The following ACSS3 variants were observed in gnomAD, a reference collection of about 807,000 sequenced individuals.
The protein encoded by ACSS3 is acyl-CoA synthetase short chain family member 3.
A neutral mutation model predicts 84.2 loss-of-function variants in ACSS3; 64 were observed. The observed-to-expected ratio is 0.76, with a 90% CI of 0.62 to 0.94. The LOEUF is 0.94. Ranked by LOEUF, ACSS3 falls within the 40% of genes least tolerant of loss-of-function variation. ACSS3 has a pLI of 0.00. For synonymous variants in ACSS3, 317 were observed against 310.1 expected, an observed-to-expected ratio of 1.02 and a Z score of -0.23; for missense variants, 815 against 867.6, an observed-to-expected ratio of 0.94 and a Z score of 0.76.
Position 81,183,417 on chromosome 12 carries a change from C to T in ACSS3, c.1250+8478C>T, listed in dbSNP as rs556296291. Among the ~76,000 whole-genome samples, 23 of 152,174 alleles carry T rather than the reference C, an allele frequency of 1.5e-4. 1 individual carries two copies. In the South Asian group the frequency reaches 4.4e-3, roughly 29 times the overall value. ...AAAGGAAAAAGGAACACAGAAGCTA[C>T]AAAATAACTAGAAGATAAATAAAAT... On this transcript the variant is annotated intron_variant, in intron 8 of 15. Transcript: ENST00000548058.
At chr12:81,202,623 T>C (rs2135905385) in intron 9 of ACSS3, among the ~76,000 whole-genome samples, 1 of 152,278 alleles carries the variant, frequency 6.6e-6, no homozygotes, top group African/African-American at 2.4e-5. Flanking sequence ...GACTTAGAAG[T>C]TGATATTTTT....
At chr12:81,250,152 C>G (rs1206520566) in intron 13 of ACSS3, among the ~76,000 whole-genome samples, 1 of 151,958 alleles carries the variant, frequency 6.6e-6, no homozygotes, top group African/African-American at 2.4e-5. Flanking sequence ...ATTTTTCCCC[C>G]CATAGGACAT....
chr12:81,157,029 G>A (rs1056985565), intron 7 of ACSS3, among the ~76,000 whole-genome samples: 2 of 151,834 alleles, frequency 1.3e-5, no homozygotes, highest in African/African-American at 4.8e-5. Flanking sequence ...CTAATAAAAA[G>A]TCAACGACAA....
intron 13 of ACSS3, among the ~76,000 whole-genome samples, chr12:81,240,447 G>C (rs12313443): frequency 0.43 from 65,290 of 151,678 alleles, 14,977 homozygotes; most frequent in Non-Finnish European, 0.52. Context: ...TATTTAAAAT[G>C]GGTTTCTTTC....
At chr12:81,107,746 C>G (rs1883196275) in intron 1 of ACSS3, among the ~76,000 whole-genome samples, 1 of 151,540 alleles carries the variant, frequency 6.6e-6, no homozygotes, top group African/African-American at 2.4e-5. Flanking sequence ...GTGGTCAAGG[C>G]ATCAGCTGAT....
intron 9 of ACSS3, among the ~76,000 whole-genome samples, chr12:81,215,102 A>G (rs2032856076): frequency 6.6e-6 from 1 of 152,234 alleles, no homozygotes; most frequent in Middle Eastern, 3.4e-3. Context: ...TTTCTGAAAA[A>G]ACAGAGGGGG....
intron 13 of ACSS3, among the ~76,000 whole-genome samples, chr12:81,239,564 G>A (rs2033727378): frequency 6.6e-6 from 1 of 151,910 alleles, no homozygotes; most frequent in Admixed American, 6.6e-5. Flanking sequence ...GAAGAGCAAA[G>A]TCATGTCTTA....
At chr12:81,143,646 G>T (rs746230680) in intron 5 of ACSS3, 1 of 151,876 alleles carries the variant, frequency 6.6e-6, no homozygotes, top group South Asian at 2.1e-4. Context: ...TTAGATTGAG[G>T]TATAAGTTTC....
intron 7 of ACSS3, among the ~76,000 whole-genome samples, chr12:81,153,973 A>G (rs910158142): frequency 2.3e-4 from 35 of 152,166 alleles, no homozygotes; most frequent in African/African-American, 8.4e-4. Flanking sequence ...TGCGGACTTG[A>G]TATGCATTTG....
chr12:81,101,598 T>A (rs1414197418), intron 1 of ACSS3, among the ~76,000 whole-genome samples: 1 of 152,170 alleles, frequency 6.6e-6, no homozygotes, highest in Admixed American at 6.5e-5. Flanking sequence ...ATATATCACA[T>A]ATACATTGCA....
intron 11 of ACSS3, among the ~76,000 whole-genome samples, chr12:81,230,462 T>C (rs2033421054): frequency 6.6e-6 from 1 of 151,854 alleles, no homozygotes; most frequent in Non-Finnish European, 1.5e-5. Flanking sequence ...TAGTTCTGTA[T>C]ATTTTCTACG....
chr12:81,165,938 T>G (rs1887382395), intron 7 of ACSS3, among the ~76,000 whole-genome samples: 1 of 152,316 alleles, frequency 6.6e-6, no homozygotes, highest in Non-Finnish European at 1.5e-5. Context: ...TTCTAAGCAC[T>G]TTTTATACAT....
At chr12:81,099,317 T>C (rs1882317380) in intron 1 of ACSS3, among the ~76,000 whole-genome samples, 1 of 152,138 alleles carries the variant, frequency 6.6e-6, no homozygotes, top group South Asian at 2.1e-4. Flanking sequence ...AGGAAATAAA[T>C]TGTAATGTTA....
At chr12:81,227,946 T>C (rs904120693) in intron 11 of ACSS3, among the ~76,000 whole-genome samples, 6 of 151,850 alleles carry the variant, frequency 4.0e-5, no homozygotes, top group Non-Finnish European at 8.8e-5. Context: ...CCATGTGTCA[T>C]ATTTAATAGC....
At chr12:81,140,212 A>G (rs1383889958) in intron 4 of ACSS3, among the ~76,000 whole-genome samples, 1 of 152,202 alleles carries the variant, frequency 6.6e-6, no homozygotes, top group African/African-American at 2.4e-5. Flanking sequence ...CAAAACATGA[A>G]TATTCTAAGT....
At chr12:81,215,320 G>A (rs1156885185) in intron 9 of ACSS3, among the ~76,000 whole-genome samples, 2 of 151,664 alleles carry the variant, frequency 1.3e-5, no homozygotes, top group East Asian at 1.9e-4. Context: ...GTTACTTGCC[G>A]ATGATCCTCA....
chr12:81,110,656 C>T (rs999405361), intron 2 of ACSS3, among the ~76,000 whole-genome samples: 5 of 152,126 alleles, frequency 3.3e-5, no homozygotes, highest in Admixed American at 6.5e-5. Context: ...GTACATGGCA[C>T]GACATTTAGC....
chr12:81,086,937 G>A (rs577908979), intron 1 of ACSS3, among the ~76,000 whole-genome samples: 182 of 152,208 alleles, frequency 1.2e-3, no homozygotes, highest in African/African-American at 4.2e-3. Flanking sequence ...TCTAAACTAC[G>A]TGGATAGGGA....
chr12:81,091,097 G>T (rs201053122), intron 1 of ACSS3, among the ~76,000 whole-genome samples: 1 of 151,294 alleles, frequency 6.6e-6, no homozygotes, highest in Admixed American at 6.6e-5. Flanking sequence ...TTTGATTCAC[G>T]GTTGGTTGAA....
Sources: gnomAD v4.1 joint callset for allele counts (sites outside exome capture counted in the v4.1 genomes callset) on GRCh38, gnomAD v4.1.1 for gene constraint, MANE v1.5 for transcripts, NCBI Gene and HGNC (gene_info 2026-07-23, HGNC 2026-07-21) for gene names.